The following TMEM132D variants were observed in gnomAD, a reference collection of about 807,000 sequenced individuals.
TMEM132D encodes the protein transmembrane protein 132D.
TMEM132D carries 21 observed loss-of-function variants against 62.3 expected under a neutral mutation model. The observed-to-expected ratio is 0.34, with a 90% confidence interval of 0.24 to 0.49. The LOEUF (loss-of-function observed/expected upper bound fraction) is 0.49, where lower values mean the gene tolerates loss of function less well. TMEM132D is among the 20% of genes least tolerant of loss of function. The probability of loss-of-function intolerance (pLI) is 0.99; values close to 1 mark genes in which losing one functional copy is unlikely to be tolerated. For missense variants in TMEM132D, 1,346 were observed against 1,402.8 expected, an observed-to-expected ratio of 0.96 and a Z score of 0.65; for synonymous variants, 621 against 575.6, an observed-to-expected ratio of 1.08 and a Z score of -1.13.
At chr12:129,236,800 T>C (rs1041586169) in intron 4 of TMEM132D, among the ~76,000 whole-genome samples, 1 of 152,170 alleles carries the variant, frequency 6.6e-6, no homozygotes, top group African/African-American at 2.4e-5. Context: ...CCTTGTCTTG[T>C]TCCTGATTTT....
At chr12:129,092,096 C>G (rs1874940792) in intron 5 of TMEM132D, among the ~76,000 whole-genome samples, 1 of 152,116 alleles carries the variant, frequency 6.6e-6, no homozygotes, top group African/African-American at 2.4e-5. Flanking sequence ...AACTCTTGAA[C>G]CCCTTTCATA....
intron 5 of TMEM132D, among the ~76,000 whole-genome samples, chr12:129,189,219 A>C (rs1593290176): frequency 6.6e-6 from 1 of 152,254 alleles, no homozygotes; most frequent in East Asian, 1.9e-4. Context: ...TAGCCTTTGG[A>C]GGTAGCTAAA....
intron 3 of TMEM132D, among the ~76,000 whole-genome samples, chr12:129,367,037 A>T (rs1293264556): frequency 2.0e-5 from 3 of 152,224 alleles, no homozygotes; most frequent in Non-Finnish European, 2.9e-5. Flanking sequence ...GTGCCACACC[A>T]TGCTGACAGG....
chr12:129,296,108 A>G (rs1485924654), intron 4 of TMEM132D, among the ~76,000 whole-genome samples: 1 of 152,110 alleles, frequency 6.6e-6, no homozygotes, highest in African/African-American at 2.4e-5. Flanking sequence ...ATACATATGT[A>G]TATTAACATG....
chr12:129,899,965 T>C (rs1392321533), intron 1 of TMEM132D, among the ~76,000 whole-genome samples: 1 of 152,208 alleles, frequency 6.6e-6, no homozygotes, highest in Non-Finnish European at 1.5e-5. Flanking sequence ...TTTGAAGCTC[T>C]TTTTGGTCCA....
intron 5 of TMEM132D, among the ~76,000 whole-genome samples, chr12:129,175,322 C>T (rs1877873368): frequency 6.6e-6 from 1 of 152,086 alleles, no homozygotes; most frequent in South Asian, 2.1e-4. Context: ...TGATGTGGTA[C>T]ATTGCAGTAA....
chr12:129,311,947 C>T (rs1566029715), intron 4 of TMEM132D, among the ~76,000 whole-genome samples: 1 of 152,100 alleles, frequency 6.6e-6, no homozygotes, highest in Non-Finnish European at 1.5e-5. Context: ...TCAGTAAGCA[C>T]TTTGAATTTT....
At chr12:129,408,342 A>T (rs1021391930) in intron 3 of TMEM132D, among the ~76,000 whole-genome samples, 3 of 152,116 alleles carry the variant, frequency 2.0e-5, no homozygotes, top group Non-Finnish European at 2.9e-5. Flanking sequence ...AGAATTTTTT[A>T]AAATTATAGT....
chr12:129,512,353 T>C (rs887457866), intron 3 of TMEM132D, among the ~76,000 whole-genome samples: 12 of 152,148 alleles, frequency 7.9e-5, no homozygotes, highest in Admixed American at 7.2e-4. Context: ...TGTAGTGTCT[T>C]TTTTACTGAA....
intron 3 of TMEM132D, among the ~76,000 whole-genome samples, chr12:129,369,376 T>TTTAAA (rs1353469453): frequency 6.6e-6 from 1 of 152,176 alleles, no homozygotes; most frequent in Non-Finnish European, 1.5e-5. Flanking sequence ...TGCTTTTTTT[T>TTTAAA]TTTAAATTAA....
chr12:129,367,728 T>A (rs1870463147), intron 3 of TMEM132D, among the ~76,000 whole-genome samples: 1 of 152,094 alleles, frequency 6.6e-6, no homozygotes, highest in African/African-American at 2.4e-5. Flanking sequence ...CTGGATGTTT[T>A]TCGTTAGATA....
At chr12:129,583,717 G>A (rs1443178978) in intron 2 of TMEM132D, among the ~76,000 whole-genome samples, 4 of 152,202 alleles carry the variant, frequency 2.6e-5, no homozygotes, top group Non-Finnish European at 5.9e-5. Context: ...GAGGAATGAG[G>A]CGGGTCTGTC....
intron 2 of TMEM132D, among the ~76,000 whole-genome samples, chr12:129,558,939 A>C (rs1339674651): frequency 6.6e-6 from 1 of 152,246 alleles, no homozygotes; most frequent in Admixed American, 6.5e-5. Flanking sequence ...ATCCGTCATC[A>C]AGAGTGATAT....
intron 2 of TMEM132D, among the ~76,000 whole-genome samples, chr12:129,628,304 A>G (rs1879272851): frequency 6.6e-6 from 1 of 152,198 alleles, no homozygotes; most frequent in African/African-American, 2.4e-5. Flanking sequence ...TCTATCAGCC[A>G]TAGGTTGTGT....
chr12:129,474,773 T>C (rs1056214271), intron 3 of TMEM132D, among the ~76,000 whole-genome samples: 1 of 152,170 alleles, frequency 6.6e-6, no homozygotes, highest in Non-Finnish European at 1.5e-5. Context: ...ACTCATCTTG[T>C]CCAATTCTGG....
intron 2 of TMEM132D, among the ~76,000 whole-genome samples, chr12:129,601,252 G>T (rs1276664277): frequency 6.6e-6 from 1 of 151,964 alleles, no homozygotes; most frequent in Admixed American, 6.6e-5. Flanking sequence ...CTTCCTCATT[G>T]CCCCCAGCCT....
At chr12:129,172,219 T>C (rs917824187) in intron 5 of TMEM132D, among the ~76,000 whole-genome samples, 2 of 152,258 alleles carry the variant, frequency 1.3e-5, no homozygotes, top group Admixed American at 1.3e-4. Context: ...GCTTTTCTTC[T>C]GCAGCTTCCT....
intron 1 of TMEM132D, among the ~76,000 whole-genome samples, chr12:129,780,356 G>GGC (rs1871084632): frequency 6.6e-6 from 1 of 151,780 alleles, no homozygotes; most frequent in East Asian, 1.9e-4. Flanking sequence ...GGGCCGGGGG[G>GGC]GCACAAAATG....
intron 1 of TMEM132D, among the ~76,000 whole-genome samples, chr12:129,817,781 G>A (rs573749363): frequency 1.9e-4 from 24 of 128,482 alleles, no homozygotes; most frequent in Non-Finnish European, 3.6e-4. Context: ...GTATCTGTGT[G>A]TCTGTGGTTT....
Sources: gnomAD v4.1 joint callset for allele counts (sites outside exome capture counted in the v4.1 genomes callset) on GRCh38, gnomAD v4.1.1 for gene constraint, MANE v1.5 for transcripts, NCBI Gene and HGNC (gene_info 2026-07-23, HGNC 2026-07-21) for gene names.